KIAA1328: variants seen among roughly 807,000 people sequenced by gnomAD.
KIAA1328 encodes protein hinderin.
In KIAA1328, 52 loss-of-function variants were observed where a neutral mutation model predicts 68.1. That is an observed-to-expected ratio of 0.76 (90% CI 0.61 to 0.96). The LOEUF is 0.96. KIAA1328 is among the 40% of genes least tolerant of loss of function. KIAA1328 has a pLI of 0.00. For missense variants in KIAA1328, 641 were observed against 677.6 expected (o/e 0.95, Z 0.60); for synonymous variants, 232 against 239.4 (o/e 0.97, Z 0.28).
intron 9 of KIAA1328, among the ~76,000 whole-genome samples, chr18:37,218,092 G>C (rs188853041): frequency 1.3e-5 from 2 of 152,284 alleles, no homozygotes; most frequent in East Asian, 3.9e-4. Context: ...CTCTACAGAA[G>C]TAAAAACATG....
chr18:37,153,924 A>G (rs769402795), intron 7 of KIAA1328, among the ~76,000 whole-genome samples: 14 of 148,746 alleles, frequency 9.4e-5, no homozygotes, highest in Non-Finnish European at 1.6e-4. Context: ...TTTCTCTTAT[A>G]CTCTATTCGC....
chr18:36,873,366 A>G (rs1241928769), intron 4 of KIAA1328, among the ~76,000 whole-genome samples: 2 of 152,190 alleles, frequency 1.3e-5, no homozygotes, highest in Non-Finnish European at 1.5e-5. Context: ...CCTTCCTGCA[A>G]TTTGCAGAAA....
intron 7 of KIAA1328, among the ~76,000 whole-genome samples, chr18:37,108,917 A>G (rs2057849800): frequency 6.6e-6 from 1 of 151,934 alleles, no homozygotes; most frequent in Non-Finnish European, 1.5e-5. Context: ...TCCTAATACT[A>G]TCCCTCCCCC....
intron 9 of KIAA1328, among the ~76,000 whole-genome samples, chr18:37,214,117 G>A (rs541228396): frequency 1.2e-3 from 185 of 152,214 alleles, no homozygotes; most frequent in African/African-American, 4.3e-3. Context: ...CACTCTGATG[G>A]TAGTTTCTTT....
At chr18:37,051,584 T>C (rs1160772449) in intron 6 of KIAA1328, among the ~76,000 whole-genome samples, 1 of 152,144 alleles carries the variant, frequency 6.6e-6, no homozygotes, top group African/African-American at 2.4e-5. Flanking sequence ...GAAAACCCTG[T>C]ACTAGATGGG....
At chr18:37,021,206 T>C (rs1291511781) in intron 6 of KIAA1328, among the ~76,000 whole-genome samples, 1 of 152,224 alleles carries the variant, frequency 6.6e-6, no homozygotes, top group Non-Finnish European at 1.5e-5. Context: ...TTTCATTATG[T>C]TTTATGATAA....
chr18:37,163,749 C>G (rs1355909757), intron 8 of KIAA1328, among the ~76,000 whole-genome samples: 1 of 152,124 alleles, frequency 6.6e-6, no homozygotes, highest in Non-Finnish European at 1.5e-5. Context: ...TCATTTCTAT[C>G]TTGCCTCTAA....
intron 5 of KIAA1328, among the ~76,000 whole-genome samples, chr18:36,938,008 C>T (rs2050569832): frequency 6.6e-6 from 1 of 151,984 alleles, no homozygotes; most frequent in African/African-American, 2.4e-5. Context: ...TCTTTGGTCA[C>T]TTAGGTTGAT....
chr18:36,927,599 T>A (rs549972057), intron 5 of KIAA1328, among the ~76,000 whole-genome samples: 166 of 152,042 alleles, frequency 1.1e-3, no homozygotes, highest in Non-Finnish European at 1.8e-3. Flanking sequence ...AAAATTTTTT[T>A]AAAATTAACT....
intron 7 of KIAA1328, among the ~76,000 whole-genome samples, chr18:37,154,390 C>G (rs1195537338): frequency 6.6e-6 from 1 of 152,210 alleles, no homozygotes; most frequent in Non-Finnish European, 1.5e-5. Flanking sequence ...TGATAAACAA[C>G]AGAGAGAGGA....
intron 7 of KIAA1328, among the ~76,000 whole-genome samples, chr18:37,129,229 A>T (rs928161967): frequency 2.0e-5 from 3 of 152,132 alleles, no homozygotes; most frequent in African/African-American, 4.8e-5. Flanking sequence ...CATTCCTATA[A>T]TTTTTTCCTT....
chr18:36,876,109 A>T (rs1290048404), intron 4 of KIAA1328, among the ~76,000 whole-genome samples: 1 of 151,968 alleles, frequency 6.6e-6, no homozygotes, highest in Non-Finnish European at 1.5e-5. Flanking sequence ...TTCATCAGGG[A>T]TATTGGCGTG....
At chr18:37,010,048 C>T (rs142765250) in intron 6 of KIAA1328, among the ~76,000 whole-genome samples, 317 of 152,194 alleles carry the variant, frequency 2.1e-3, no homozygotes, top group African/African-American at 7.1e-3. Context: ...CTGAGCAAAG[C>T]GTATCATGGA....
chr18:36,846,363 C>G (rs181235095), intron 4 of KIAA1328, among the ~76,000 whole-genome samples: 2 of 151,508 alleles, frequency 1.3e-5, no homozygotes, highest in East Asian at 3.9e-4. Context: ...AAGACATAAC[C>G]TTTTTTCTAG....
chr18:37,104,767 T>C (rs1246916185), intron 7 of KIAA1328, among the ~76,000 whole-genome samples: 1 of 152,170 alleles, frequency 6.6e-6, no homozygotes, highest in Non-Finnish European at 1.5e-5. Context: ...ATATGTATGA[T>C]TAATATGTAA....
chr18:37,147,996 A>G (rs1167350910), intron 7 of KIAA1328, among the ~76,000 whole-genome samples: 1 of 151,818 alleles, frequency 6.6e-6, no homozygotes, highest in African/African-American at 2.4e-5. Flanking sequence ...TTTATTTTTA[A>G]GTTCTAGGGT....
At chr18:36,868,412 G>C (rs903865695) in intron 4 of KIAA1328, among the ~76,000 whole-genome samples, 2 of 152,264 alleles carry the variant, frequency 1.3e-5, no homozygotes, top group Non-Finnish European at 2.9e-5. Context: ...TGAATTGTTT[G>C]CATAGCTGGG....
chr18:37,015,987 A>G (rs2054138948), intron 6 of KIAA1328, among the ~76,000 whole-genome samples: 1 of 152,060 alleles, frequency 6.6e-6, no homozygotes, highest in Admixed American at 6.6e-5. Flanking sequence ...ATTGCCTTCT[A>G]TTTCTTTCTC....
At chr18:36,896,421 C>T (rs893016668) in intron 5 of KIAA1328, among the ~76,000 whole-genome samples, 1 of 152,070 alleles carries the variant, frequency 6.6e-6, no homozygotes, top group Non-Finnish European at 1.5e-5. Context: ...AGGCTCCAGA[C>T]GTGGAACCTT....
Sources: allele counts gnomAD v4.1 joint callset (sites outside exome capture counted in the v4.1 genomes callset), GRCh38; gene constraint gnomAD v4.1.1; transcripts MANE v1.5; gene names NCBI Gene and HGNC (gene_info 2026-07-23, HGNC 2026-07-21).